The following RNF6 variants were observed in gnomAD, a reference collection of about 807,000 sequenced individuals.
The protein encoded by RNF6 is E3 ubiquitin-protein ligase RNF6.
RNF6 carries 21 observed loss-of-function variants against 50.1 expected under a neutral mutation model. That is an observed-to-expected ratio of 0.42 (90% CI 0.30 to 0.60). The LOEUF (loss-of-function observed/expected upper bound fraction) is 0.60. RNF6 is among the 20% of genes least tolerant of loss of function. The pLI, the probability that RNF6 is intolerant of heterozygous loss-of-function variation, is 0.20. For synonymous variants in RNF6, 255 were observed against 291.8 expected, an observed-to-expected ratio of 0.87 and a Z score of 1.29; for missense variants, 698 against 838.2, an observed-to-expected ratio of 0.83 and a Z score of 2.07.
chr13:26,162,712 C>T (rs1872269568), intron 5 of RNF6, among the ~76,000 whole-genome samples: 3 of 152,142 alleles, frequency 2.0e-5, no homozygotes, highest in Admixed American at 2.0e-4. Flanking sequence ...TTGGCAAAAC[C>T]AAACATTAGT....
At chr13:26,162,833 G>A (rs1022634787) in intron 5 of RNF6, among the ~76,000 whole-genome samples, 1 of 152,228 alleles carries the variant, frequency 6.6e-6, no homozygotes, top group African/African-American at 2.4e-5. Flanking sequence ...TAGCATGACA[G>A]TTTATGGTTG....
intron 5 of RNF6, among the ~76,000 whole-genome samples, chr13:26,156,569 T>C (rs1179308411): frequency 6.6e-6 from 1 of 152,148 alleles, no homozygotes; most frequent in Non-Finnish European, 1.5e-5. Context: ...TAGAGAAGAA[T>C]AAACATTCTT....
chr13:26,207,323 A>T (rs765114393), intron 5 of RNF6, among the ~76,000 whole-genome samples: 23 of 152,218 alleles, frequency 1.5e-4, no homozygotes, highest in Non-Finnish European at 1.3e-4. Flanking sequence ...AGAAGCCAAA[A>T]TATGAAGAAT....
In RNF6 at chr13:26,214,806, C is replaced by T. The variant is rs745325624; in HGVS notation, c.1076G>A (p.Arg359His). Residue 359 changes from arginine (R) to histidine (H), a missense_variant, in exon 5 of 5, where the codon CGC becomes CAC. By Grantham distance (29) the Arg-to-His change is conservative (BLOSUM62 0). Coordinates refer to ENST00000381588, the MANE Select transcript of RNF6 (RefSeq NM_005977.4). ...VFLEQDRERERRGTAYTPFSN... is the reference protein window; with the variant it reads ...VFLEQDREREHRGTAYTPFSN... The stretch of plus-strand genomic sequence containing the variant: ...GAATGGGGTATATGCAGTACCTCTG[C>T]GTTCTCGTTCTCTATCTTGCTCTAA... The T allele has an allele frequency of 9.3e-6, 15 of 1,614,174 alleles. No homozygotes were observed. The highest frequency in any genetic ancestry group is 5.0e-5 in the Admixed American group (3 of 60,022).
intron 5 of RNF6, among the ~76,000 whole-genome samples, chr13:26,161,853 T>C (rs1311517061): frequency 1.3e-5 from 2 of 152,182 alleles, no homozygotes; most frequent in Non-Finnish European, 2.9e-5. Context: ...GTCTTCTCTT[T>C]CCCTTTCTGT....
At chr13:26,207,681 T>A (rs1869164030) in intron 5 of RNF6, among the ~76,000 whole-genome samples, 1 of 152,172 alleles carries the variant, frequency 6.6e-6, no homozygotes, top group South Asian at 2.1e-4. Flanking sequence ...TGGCCTCATC[T>A]CCAAGCCCTC....
intron 5 of RNF6, among the ~76,000 whole-genome samples, chr13:26,202,132 G>C (rs769633683): frequency 6.6e-6 from 1 of 152,158 alleles, no homozygotes; most frequent in African/African-American, 2.4e-5. Context: ...CCTGTTTCAG[G>C]TGCTGCAGTG....
At position 26,218,504 on chromosome 13, in the gene RNF6, A is replaced by C. The variant is rs771619603; in HGVS notation, c.289+7T>G. On this transcript the variant is annotated splice_region_variant and intron_variant, in intron 4 of 4. Transcript: ENST00000381588. ...GCCTGTTCCTTATGGAAAGGACTCC[A>C]TAGTACCTCTGTAATTCGTTCCATC... is the stretch of plus-strand genomic sequence containing the variant. 9 of 1,609,478 alleles carry C rather than the reference A, an allele frequency of 5.6e-6. No homozygotes were observed. The South Asian group carries it at 8.8e-5, about 16-fold the overall frequency.
At chr13:26,137,142 CTTG>C (rs1870686548) in intron 5 of RNF6, among the ~76,000 whole-genome samples, 1 of 152,126 alleles carries the variant, frequency 6.6e-6, no homozygotes, top group African/African-American at 2.4e-5. Flanking sequence ...CCCCTGAAAG[CTTG>C]TTTTTATTTA....
chr13:26,178,062 A>G (rs1423842244), intron 5 of RNF6, among the ~76,000 whole-genome samples: 1 of 152,078 alleles, frequency 6.6e-6, no homozygotes, highest in Non-Finnish European at 1.5e-5. Context: ...GGTGGCAGGC[A>G]CCTGTAATCC....
chr13:26,209,848 A>G (rs937994625), downstream of RNF6, among the ~76,000 whole-genome samples: 1 of 151,160 alleles, frequency 6.6e-6, no homozygotes, highest in Non-Finnish European at 1.5e-5. Context: ...ACATTAACAC[A>G]ATAGAGGAAA....
At chr13:26,220,246 C>T (rs1381811886) in intron 2 of RNF6, among the ~76,000 whole-genome samples, 1 of 152,074 alleles carries the variant, frequency 6.6e-6, no homozygotes, top group African/African-American at 2.4e-5. Flanking sequence ...TAAAGCTTAC[C>T]AGGAAGACTT....
chr13:26,207,973 TTCCAGTCCAAATA>T (rs753950814), downstream of RNF6, among the ~76,000 whole-genome samples: 1 of 152,220 alleles, frequency 6.6e-6, no homozygotes, highest in Non-Finnish European at 1.5e-5. Context: ...AGATGATTAC[TTCCAGTCCAAATA>T]TGCTGAATTT....
At chr13:26,166,864 G>A (rs895310155) in intron 5 of RNF6, among the ~76,000 whole-genome samples, 5 of 152,162 alleles carry the variant, frequency 3.3e-5, no homozygotes, top group Non-Finnish European at 7.3e-5. Flanking sequence ...AGGTTGCAGT[G>A]AGCTGAGATC....
intron 5 of RNF6, among the ~76,000 whole-genome samples, chr13:26,162,164 G>A (rs926825520): frequency 1.3e-5 from 2 of 151,980 alleles, no homozygotes; most frequent in East Asian, 1.9e-4. Flanking sequence ...ACTAACCAAC[G>A]CAGAGCCACA....
intron 5 of RNF6, among the ~76,000 whole-genome samples, chr13:26,160,547 T>TG (rs1566414148): frequency 7.7e-6 from 1 of 129,744 alleles, no homozygotes; most frequent in East Asian, 2.0e-4. Flanking sequence ...TCTTCTTCTT[T>TG]TTTTTTTTTT....
chr13:26,157,036 A>G (rs1871963459), intron 5 of RNF6, among the ~76,000 whole-genome samples: 1 of 152,136 alleles, frequency 6.6e-6, no homozygotes, highest in Admixed American at 6.5e-5. Context: ...AAGAATGCCT[A>G]GGGTTGGGGT....
downstream of RNF6, among the ~76,000 whole-genome samples, chr13:26,207,911 G>T (rs1035472024): frequency 2.0e-5 from 3 of 152,222 alleles, no homozygotes; most frequent in Non-Finnish European, 4.4e-5. Flanking sequence ...CTGGTGCATG[G>T]TAGAGGCATT....
chr13:26,211,858 T>C (rs1869340688), downstream of RNF6, among the ~76,000 whole-genome samples: 1 of 152,230 alleles, frequency 6.6e-6, no homozygotes, highest in Admixed American at 6.5e-5. Flanking sequence ...AATTAAGCTA[T>C]GTTCAAGATG....
Sources: gnomAD v4.1 joint callset for allele counts (sites outside exome capture counted in the v4.1 genomes callset) on GRCh38, gnomAD v4.1.1 for gene constraint, MANE v1.5 for transcripts, NCBI Gene and HGNC (gene_info 2026-07-23, HGNC 2026-07-21) for gene names.